The following FOXF1 variants were observed in gnomAD, a reference collection of about 807,000 sequenced individuals.
The protein encoded by FOXF1 is forkhead box protein F1.
FOXF1 carries 9 observed loss-of-function variants against 26.6 expected under a neutral mutation model. The observed-to-expected ratio is 0.34, with a 90% CI of 0.20 to 0.59. The LOEUF is 0.59. Among genes scored for constraint, FOXF1 ranks in the 20% least tolerant of loss-of-function variants. The probability of loss-of-function intolerance (pLI) is 0.83; values close to 1 mark genes in which losing one functional copy is unlikely to be tolerated. For missense variants in FOXF1, 499 were observed against 549.9 expected, an observed-to-expected ratio of 0.91 and a Z score of 0.93; for synonymous variants, 330 against 257.7, an observed-to-expected ratio of 1.28 and a Z score of -2.69.
chr16:86,512,479 C>T (rs1424976700), intron 1 of FOXF1, among the ~76,000 whole-genome samples: 3 of 152,252 alleles, frequency 2.0e-5, no homozygotes, highest in East Asian at 1.9e-4. Flanking sequence ...CTTCTTCTCA[C>T]CCCTGCTGCT....
chr16:86,511,296 G>A lies in FOXF1; in HGVS notation c.727G>A (p.Val243Met), dbSNP rs1360798386. 4 of 1,522,058 alleles carry A rather than the reference G, an allele frequency of 2.6e-6. 1 individual carries two copies. The South Asian group carries it at 4.9e-5, about 18-fold the overall frequency. The allele number at this position is 1,522,058 out of a possible 1,614,324, so 94.3% of individuals were successfully genotyped here. The change falls in exon 1 of 2, where the codon GTG (valine) becomes ATG (methionine). Residue 243 changes from valine (V) to methionine (M), a missense_variant. By Grantham distance (21) the Val-to-Met change is conservative. Around this residue, in one of 5 missense-constraint regions of FOXF1, gnomAD observed 367 missense variants for 324.8 expected, o/e 1.13. Transcript: ENST00000262426. ...AGEYPHHDSS[V>M]PASPLLPTGA... The stretch of plus-strand genomic sequence containing the variant: ...CGAGTACCCGCACCACGACAGCTCG[G>A]TGCCCGCCTCCCCGCTGCTGCCCAC...
chr16:86,511,285 A>T lies in FOXF1; in HGVS notation c.716A>T (p.His239Leu). Residue 239 changes from histidine to leucine, a missense_variant, in exon 1 of 2, where the codon CAC becomes CTC. By Grantham distance (99) the His-to-Leu change is moderately conservative. Around this residue, in one of 5 missense-constraint regions of FOXF1, gnomAD observed 367 missense variants for 324.8 expected, o/e 1.13. Transcript: ENST00000262426. ...GGAAAGEYPH[H>L]DSSVPASPLL... ...GCGGCGGCCGGCGAGTACCCGCACC[A>T]CGACAGCTCGGTGCCCGCCTCCCCG... The T allele has an allele frequency of 2.0e-6, 3 of 1,522,610 alleles. No individual in the cohort carries two copies. The highest frequency in any genetic ancestry group is 2.6e-6 in the Non-Finnish European group (3 of 1,142,078). The allele number at this position is 1,522,610 out of a possible 1,614,324, so 94.3% of individuals were successfully genotyped here.
chr16:86,512,536 A>C (rs1229863867), intron 1 of FOXF1, among the ~76,000 whole-genome samples: 2 of 152,192 alleles, frequency 1.3e-5, no homozygotes, highest in African/African-American at 4.8e-5. Flanking sequence ...CCCCGCCGGC[A>C]GTCGTAGCCT....
intron 1 of FOXF1, among the ~76,000 whole-genome samples, chr16:86,512,006 G>T (rs1435242690): frequency 6.6e-6 from 1 of 152,224 alleles, no homozygotes; most frequent in Non-Finnish European, 1.5e-5. Context: ...GAAGGTGTTA[G>T]GCCCAAAGCC....
intron 1 of FOXF1, among the ~76,000 whole-genome samples, chr16:86,512,040 A>C (rs1969574342): frequency 6.6e-6 from 1 of 152,208 alleles, no homozygotes; most frequent in Non-Finnish European, 1.5e-5. Flanking sequence ...TCAGAGGCTC[A>C]GCCCCGGCCT....
In FOXF1 at chr16:86,515,362, G is replaced by A. The variant is rs933158104; in HGVS notation, c.*2277G>A. ...TTTTGGACGTGGGGGTAATTTCTCC[G>A]GTGCTCTGTTACATCAAAATTATCA... On this transcript the variant is annotated 3_prime_UTR_variant, in exon 2 of 2. Transcript: ENST00000262426. This position sits in a 1 kb window ranked among gnomAD's most constrained non-coding sequence, Gnocchi z 4.1. 5.3e-5 allele frequency: 8 copies of A among 152,252 alleles called. No individual in the cohort carries two copies. The highest frequency in any genetic ancestry group is 1.7e-4 in the African/African-American group (7 of 41,532). 9.4% of individuals were successfully genotyped at this position (152,252 alleles called of 1,614,324 possible).
Position 86,510,701 on chromosome 16 carries a change from G to T in FOXF1, c.132G>T (p.Arg44=). 6 of 1,613,112 alleles carry T rather than the reference G, an allele frequency of 3.7e-6. No individual in the cohort carries two copies. Among genetic ancestry groups the T allele is most frequent in the African/African-American group, 1.3e-5 (1 of 75,038 alleles). ...CCAAGAAGACCAACGCCGGCATCCG[G>T]CGCCCGGAGAAGCCGCCCTATTCCT... ...SKAKKTNAGI[R]RPEKPPYSYI... is the part of the protein sequence containing the mutation. The change falls in exon 1 of 2, where the codon CGG becomes CGT. Residue 44 remains arginine (R), a synonymous_variant. Coordinates refer to ENST00000262426, the MANE Select transcript of FOXF1 (RefSeq NM_001451.3).
At position 86,512,967 on chromosome 16, in the gene FOXF1, G is replaced by T. The variant is rs371845809; in HGVS notation, c.1022G>T (p.Arg341Leu). Reference protein sequence around the residue: ...YHSQSPSMCDRKEFVFSFNAM... With the variant: ...YHSQSPSMCDLKEFVFSFNAM... ...TCGCAGTCGCCCAGCATGTGTGACC[G>T]AAAGGAGTTTGTCTTCTCTTTCAAC... Residue 341 changes from arginine (R) to leucine (L), a missense_variant, in exon 2 of 2, where the codon CGA (arginine) becomes CTA (leucine). Physicochemically the swap from Arg to Leu is moderately radical, Grantham distance 102. This residue lies in a region of FOXF1 where 367 missense variants were observed against 324.8 expected (regional missense o/e 1.13). Coordinates refer to ENST00000262426, the MANE Select transcript of FOXF1 (RefSeq NM_001451.3). 14 of 1,614,032 alleles carry T rather than the reference G, an allele frequency of 8.7e-6. No individual in the cohort carries two copies. The highest frequency in any genetic ancestry group is 1.2e-5 in the Non-Finnish European group (14 of 1,180,050).
At chr16:86,511,979 T>A (rs1261911744) in intron 1 of FOXF1, among the ~76,000 whole-genome samples, 1 of 152,174 alleles carries the variant, frequency 6.6e-6, no homozygotes, top group Non-Finnish European at 1.5e-5. Flanking sequence ...TGCCTCTGCC[T>A]GGGGCTGGGC....
Position 86,511,397 on chromosome 16 carries a change from G to T in FOXF1, c.828G>T (p.Ala276=). 6.3e-7 allele frequency: 1 copy of T among 1,588,662 alleles called. No homozygotes were observed. The highest frequency in any genetic ancestry group is 8.5e-7 in the Non-Finnish European group (1 of 1,175,574). ...CGGCCTGGCCGCCCTCGGCGTCCGCGGCGCTCAACAGCGGCGCCTCTTATA... is the reference window on the plus strand; with the variant it reads ...CGGCCTGGCCGCCCTCGGCGTCCGCTGCGCTCAACAGCGGCGCCTCTTATA... ...SAAAWPPSAS[A]ALNSGASYIK... is the part of the protein sequence containing the mutation. The change falls in exon 1 of 2, where the codon GCG becomes GCT. Residue 276 remains alanine, a synonymous_variant. Transcript: ENST00000262426.
Position 86,510,626 on chromosome 16 carries a change from C to G in FOXF1, c.57C>G (p.Gly19=), listed in dbSNP as rs1567510564. The change falls in exon 1 of 2, where the codon GGC becomes GGG. Residue 19 remains glycine, a synonymous_variant. Transcript: ENST00000262426. ...CGCACGGCGGCGGCGGCGGCGGCGG[C>G]GGGGGAGGCGGCGCGGCCATGGACC... The part of the protein sequence containing the change: ...QPPHGGGGGG[G]GGGGAAMDPA... 33 of 1,392,670 alleles carry G rather than the reference C, an allele frequency of 2.4e-5. No individual in the cohort carries two copies. Among genetic ancestry groups the G allele is most frequent in the South Asian group, 1.5e-4 (8 of 54,368 alleles). The allele number at this position is 1,392,670 out of a possible 1,614,324, so 86.3% of individuals were successfully genotyped here.
In FOXF1 at chr16:86,513,547, A is replaced by AT. The variant is rs56130003; in HGVS notation, c.*472dup. Reference sequence around the variant, plus strand: ...TTGAGTATTTATCTTTTTATTTTTTATTTTTTTTTTGAAAGAATGTCTTGG... The same window carrying AT: ...TTGAGTATTTATCTTTTTATTTTTTATTTTTTTTTTTGAAAGAATGTCTTGG... On this transcript the variant is annotated 3_prime_UTR_variant, in exon 2 of 2. Transcript: ENST00000262426. 0.61 allele frequency: 96,587 copies of AT among 159,036 alleles called. 29,163 individuals carry two copies. The highest frequency in any genetic ancestry group is 0.8 in the East Asian group (4,268 of 5,362). The allele number at this position is 159,036 out of a possible 1,614,324, so 9.9% of individuals were successfully genotyped here. A position where few individuals can be genotyped will look rare whatever the true frequency, so the allele number is the denominator to read the frequency against.
chr16:86,512,689 A>AGCAGGCAGGCAGGCAGGCAGGCAGGCAG (rs112947944), intron 1 of FOXF1, among the ~76,000 whole-genome samples: 6 of 151,884 alleles, frequency 4.0e-5, no homozygotes, highest in African/African-American at 1.2e-4. Context: ...ACAGGCACGC[A>AGCAGGCAGGCAGGCAGGCAGGCAGGCAG]GCAGGCAGGC....
rs776880946 is a variant in FOXF1 at position 86,511,343 on chromosome 16, G to A, written c.774G>A (p.Glu258=). 281 of 1,541,538 alleles carry A rather than the reference G, an allele frequency of 1.8e-4. No homozygotes were observed. The highest frequency in any genetic ancestry group is 2.2e-4 in the Non-Finnish European group (258 of 1,152,484). The change falls in exon 1 of 2, where the codon GAG becomes GAA. Residue 258 remains glutamate (E), a synonymous_variant. Coordinates refer to ENST00000262426, the MANE Select transcript of FOXF1 (RefSeq NM_001451.3). ...LLPTGAGGVM[E]PHAVYSGSAA... Reference sequence around the variant, plus strand: ...CCACCGGCGCCGGTGGGGTCATGGAGCCGCACGCCGTCTACTCGGGCTCGG... The same window carrying A: ...CCACCGGCGCCGGTGGGGTCATGGAACCGCACGCCGTCTACTCGGGCTCGG...
At position 86,512,998 on chromosome 16, in the gene FOXF1, G is replaced by A. The variant is rs1433323841; in HGVS notation, c.1053G>A (p.Met351Ile). ...AGTTTGTCTTCTCTTTCAACGCCAT[G>A]GCGTCCTCTTCCATGCACTCGGCCG... Reference protein sequence around the residue: ...RKEFVFSFNAMASSSMHSAGG... With the variant: ...RKEFVFSFNAIASSSMHSAGG... The change falls in exon 2 of 2, where the codon ATG (methionine) becomes ATA (isoleucine). Residue 351 changes from methionine (M) to isoleucine (I), a missense_variant. By Grantham distance (10) the Met-to-Ile change is conservative (BLOSUM62 1). Around this residue, in one of 5 missense-constraint regions of FOXF1, gnomAD observed 367 missense variants for 324.8 expected, o/e 1.13. Transcript: ENST00000262426. 14 of 1,613,960 alleles carry A rather than the reference G, an allele frequency of 8.7e-6. No homozygotes were observed. The highest frequency in any genetic ancestry group is 1.2e-5 in the Non-Finnish European group (14 of 1,180,042).
Position 86,511,205 on chromosome 16 carries a change from G to C in FOXF1, c.636G>C (p.Ser212=), listed in dbSNP as rs776649998. 3 of 1,551,832 alleles carry C rather than the reference G, an allele frequency of 1.9e-6. No homozygotes were observed. The highest frequency in any genetic ancestry group is 2.6e-6 in the Non-Finnish European group (3 of 1,155,622). The change falls in exon 1 of 2, where the codon TCG becomes TCC. Residue 212 remains serine (S), a synonymous_variant. Transcript: ENST00000262426. The stretch of plus-strand genomic sequence containing the variant: ...ACGGCATGGCCCTGCCCAGCCACTC[G>C]GTGCCCCACCTGCCTTCCAACGGCG... ...NVDGMALPSH[S]VPHLPSNGGH...
chr16:86,513,704 CAA>C lies in FOXF1; in HGVS notation c.*620_*621del, dbSNP rs1257942040. On this transcript the variant is annotated 3_prime_UTR_variant, in exon 2 of 2. Transcript: ENST00000262426. ...GACCACAGGTGGATCTTTGTGCGAA[CAA>C]CTTGCATTTCGGAAGCCACTGTCCG... The C allele has an allele frequency of 6.6e-6, 1 of 152,442 alleles. No homozygotes were observed. Among genetic ancestry groups the C allele is most frequent in the Non-Finnish European group, 1.5e-5 (1 of 68,248 alleles). 9.4% of individuals were successfully genotyped at this position (152,442 alleles called of 1,614,324 possible).
rs1025255814 is a variant in FOXF1 at position 86,511,198 on chromosome 16, G to C, written c.629G>C (p.Ser210Thr). The C allele has an allele frequency of 2.7e-5, 42 of 1,554,252 alleles. No homozygotes were observed. Among genetic ancestry groups the C allele is most frequent in the Non-Finnish European group, 3.6e-5 (42 of 1,157,024 alleles). Residue 210 changes from serine (S) to threonine (T), a missense_variant, in exon 1 of 2, where the codon AGC (serine) becomes ACC (threonine). Physicochemically the swap from Ser to Thr is moderately conservative, Grantham distance 58 (BLOSUM62 1). Around this residue, in one of 5 missense-constraint regions of FOXF1, gnomAD observed 367 missense variants for 324.8 expected, o/e 1.13. Coordinates refer to ENST00000262426, the MANE Select transcript of FOXF1 (RefSeq NM_001451.3). Reference protein sequence around the residue: ...PGNVDGMALPSHSVPHLPSNG... With the variant: ...PGNVDGMALPTHSVPHLPSNG... Reference sequence around the variant, plus strand: ...AACGTGGACGGCATGGCCCTGCCCAGCCACTCGGTGCCCCACCTGCCTTCC... The same window carrying C: ...AACGTGGACGGCATGGCCCTGCCCACCCACTCGGTGCCCCACCTGCCTTCC...
At position 86,511,478 on chromosome 16, in the gene FOXF1, C is replaced by T. The variant is rs1597291779; in HGVS notation, c.909C>T (p.Ser303=). 1.3e-6 allele frequency: 2 copies of T among 1,588,680 alleles called. No individual in the cohort carries two copies. The highest frequency in any genetic ancestry group is 8.5e-7 in the Non-Finnish European group (1 of 1,175,828). The change falls in exon 1 of 2, where the codon AGC becomes AGT. Residue 303 remains serine (S), a synonymous_variant. Coordinates refer to ENST00000262426, the MANE Select transcript of FOXF1 (RefSeq NM_001451.3). Reference sequence around the variant, plus strand: ...CCGCGGCCAACCCCCTGTCCGGCAGCCTCTCCACGCACTCCCTGGAGCAGC... The same window carrying T: ...CCGCGGCCAACCCCCTGTCCGGCAGTCTCTCCACGCACTCCCTGGAGCAGC... ...CNPAANPLSG[S]LSTHSLEQPY... is the part of the protein sequence containing the mutation.
Sources: allele counts gnomAD v4.1 joint callset (sites outside exome capture counted in the v4.1 genomes callset), GRCh38; gene constraint gnomAD v4.1.1; regional missense constraint gnomAD v4.1.1; non-coding constraint Gnocchi (gnomAD v3.1); transcripts MANE v1.5; gene names NCBI Gene and HGNC (gene_info 2026-07-23, HGNC 2026-07-21).